Variants in SDK1 observed in about 807,000 individuals in gnomAD.
SDK1 encodes the protein sidekick cell adhesion molecule 1.
Under a neutral mutation model 245.5 loss-of-function variants are expected in SDK1, and 157 were observed. The observed-to-expected ratio is 0.64, with a 90% CI of 0.56 to 0.73. The LOEUF is 0.73. Ranked by LOEUF, SDK1 falls within the 30% of genes least tolerant of loss-of-function variation. SDK1 has a pLI of 0.00. For synonymous variants in SDK1, 1,647 were observed against 1,278.5 expected (o/e 1.29, Z -6.15); for missense variants, 3,583 against 3,002.3 (o/e 1.19, Z -4.52).
intron 1 of SDK1, among the ~76,000 whole-genome samples, chr7:3,590,303 T>TTTC (rs1225067406): frequency 7.2e-6 from 1 of 138,898 alleles, no homozygotes; most frequent in Non-Finnish European, 1.5e-5. Context: ...CCTGTTCCTT[T>TTTC]TTTTTTTTTT....
intron 1 of SDK1, among the ~76,000 whole-genome samples, chr7:3,547,921 CT>C (rs1779281983): frequency 6.6e-6 from 1 of 152,196 alleles, no homozygotes; most frequent in Admixed American, 6.5e-5. Flanking sequence ...CCAGTACCTT[CT>C]TTGTTGAAGA....
intron 1 of SDK1, among the ~76,000 whole-genome samples, chr7:3,512,476 A>C (rs1782612685): frequency 6.6e-6 from 1 of 152,232 alleles, no homozygotes; most frequent in Non-Finnish European, 1.5e-5. Context: ...TCTTTGGGTG[A>C]ATACCAAGGA....
intron 4 of SDK1, among the ~76,000 whole-genome samples, chr7:3,806,330 ATGT>A (rs1390926518): frequency 1.1e-4 from 14 of 132,272 alleles, no homozygotes; most frequent in African/African-American, 5.4e-4. Flanking sequence ...TAGGATGTGG[ATGT>A]CCACATTAGG....
chr7:3,522,347 T>G (rs1782966811), intron 1 of SDK1, among the ~76,000 whole-genome samples: 1 of 152,236 alleles, frequency 6.6e-6, no homozygotes. Context: ...TCACCCAGCA[T>G]GTCAGTGTCT....
intron 35 of SDK1, among the ~76,000 whole-genome samples, chr7:4,185,176 A>G (rs976615452): frequency 1.3e-5 from 2 of 152,174 alleles, no homozygotes; most frequent in Admixed American, 1.3e-4. Flanking sequence ...GGCATTCACC[A>G]CCACAGCTGT....
intron 30 of SDK1, among the ~76,000 whole-genome samples, chr7:4,154,056 A>G (rs900986671): frequency 6.6e-6 from 1 of 152,210 alleles, no homozygotes; most frequent in Non-Finnish European, 1.5e-5. Context: ...CGCTTTAAAA[A>G]GATGCTCAGC....
chr7:3,309,549 G>A (rs776008356), intron 1 of SDK1, among the ~76,000 whole-genome samples: 5 of 72,662 alleles, frequency 6.9e-5, no homozygotes, highest in Non-Finnish European at 1.7e-4. Flanking sequence ...TTTTACATGA[G>A]TGTATAAACT....
intron 4 of SDK1, among the ~76,000 whole-genome samples, chr7:3,747,169 A>G (rs1366005329): frequency 1.3e-5 from 2 of 152,246 alleles, no homozygotes; most frequent in African/African-American, 4.8e-5. Flanking sequence ...GCATGATAAT[A>G]GAAAATTTTG....
intron 19 of SDK1, among the ~76,000 whole-genome samples, chr7:4,055,982 C>T (rs777096087): frequency 4.6e-5 from 7 of 152,076 alleles, no homozygotes; most frequent in Non-Finnish European, 1.0e-4. Context: ...CCATTATGAT[C>T]AGAGAACACA....
chr7:3,955,595 C>A (rs1289262922), intron 7 of SDK1, among the ~76,000 whole-genome samples: 1 of 152,196 alleles, frequency 6.6e-6, no homozygotes, highest in Non-Finnish European at 1.5e-5. Context: ...CAGCCGAGGG[C>A]ATGCGTGGGA....
Position 4,174,193 on chromosome 7 carries a change from G to A in SDK1, c.4801-29G>A, listed in dbSNP as rs200806278. On this transcript the variant is annotated intron_variant, in intron 32 of 44. Coordinates refer to ENST00000404826, the MANE Select transcript of SDK1 (RefSeq NM_152744.4). ...GGCCAGCTGGGTTGACTCCCATGGT[G>A]TGGCTGAGTCGGTGTGATGTCTTTG... The A allele has an allele frequency of 3.1e-4, 501 of 1,612,960 alleles. 5 individuals are homozygous for A. The South Asian group carries it at 5.1e-3, about 16-fold the overall frequency.
At chr7:4,120,668 G>C (rs950400135) in intron 25 of SDK1, among the ~76,000 whole-genome samples, 2 of 124,238 alleles carry the variant, frequency 1.6e-5, no homozygotes, top group Middle Eastern at 4.4e-3. Flanking sequence ...CTGGGCTGGA[G>C]TGCAGTGGCA....
At chr7:4,049,235 G>T (rs1374304897) in intron 17 of SDK1, 113 bp from the exon 18 acceptor site, 1 of 720,840 alleles carries the variant, frequency 1.4e-6, no homozygotes, top group Non-Finnish European at 2.4e-6. Context: ...CTCGGTCTCA[G>T]TGCAATAATT....
At chr7:3,938,833 C>G (rs186459701) in intron 5 of SDK1, among the ~76,000 whole-genome samples, 35 of 152,274 alleles carry the variant, frequency 2.3e-4, no homozygotes, top group Non-Finnish European at 4.9e-4. Flanking sequence ...CCAACTGCAG[C>G]ACTGTCTTTT....
At chr7:3,903,175 A>G (rs892722395) in intron 5 of SDK1, among the ~76,000 whole-genome samples, 12 of 146,616 alleles carry the variant, frequency 8.2e-5, no homozygotes, top group South Asian at 2.2e-4. Flanking sequence ...GACAGACGAG[A>G]CTCCGTCGCT....
At chr7:3,869,703 T>C (rs180908265) in intron 5 of SDK1, among the ~76,000 whole-genome samples, 1 of 152,274 alleles carries the variant, frequency 6.6e-6, no homozygotes, top group East Asian at 1.9e-4. Flanking sequence ...AATTTTAGAT[T>C]TTGAGATCTC....
chr7:3,604,763 A>C (rs1781369198), intron 1 of SDK1, among the ~76,000 whole-genome samples: 2 of 151,448 alleles, frequency 1.3e-5, no homozygotes, highest in Admixed American at 1.3e-4. Context: ...TCACTACGGC[A>C]GGCTAATTTT....
chr7:4,215,501 A>G (rs1180252674), intron 38 of SDK1, among the ~76,000 whole-genome samples: 1 of 152,170 alleles, frequency 6.6e-6, no homozygotes, highest in Non-Finnish European at 1.5e-5. Context: ...ATGTGAACAC[A>G]CCTGGGCTGG....
intron 38 of SDK1, among the ~76,000 whole-genome samples, chr7:4,219,188 A>G (rs891238082): frequency 2.6e-5 from 4 of 152,190 alleles, no homozygotes; most frequent in African/African-American, 4.8e-5. Context: ...GAGTCCACAG[A>G]TGAAGTTCTT....
Sources: gnomAD v4.1 joint callset for allele counts (sites outside exome capture counted in the v4.1 genomes callset) on GRCh38, gnomAD v4.1.1 for gene constraint, MANE v1.5 for transcripts, NCBI Gene and HGNC (gene_info 2026-07-23, HGNC 2026-07-21) for gene names.